ACTR3C: variants seen among roughly 807,000 people sequenced by gnomAD.
ACTR3C encodes the protein actin related protein 3C.
In ACTR3C, 18 loss-of-function variants were observed where a neutral mutation model predicts 26.3. The observed-to-expected ratio is 0.68, with a 90% CI of 0.47 to 1.01. The LOEUF (loss-of-function observed/expected upper bound fraction) is 1.01, where lower values mean the gene tolerates loss of function less well. Among genes scored for constraint, ACTR3C ranks in the 50% least tolerant of loss-of-function variants. The probability of loss-of-function intolerance (pLI) is 0.00; values close to 1 mark genes in which losing one functional copy is unlikely to be tolerated. For missense variants in ACTR3C, 184 were observed against 250.7 expected (o/e 0.73, Z 1.80); for synonymous variants, 55 against 94.5 (o/e 0.58, Z 2.42).
At chr7:150,116,868 T>G in the ACTR3C span, among the ~76,000 whole-genome samples, 1 of 150,858 alleles carries the variant, frequency 6.6e-6, no homozygotes, top group Non-Finnish European at 1.5e-5. Flanking sequence ...TTTCTGCATT[T>G]CCAACTGAGG....
the ACTR3C span, among the ~76,000 whole-genome samples, chr7:150,099,898 C>T: frequency 8.2e-3 from 1,246 of 151,772 alleles, 16 homozygotes; most frequent in South Asian, 0.028. Flanking sequence ...TCGCAGTGGC[C>T]TCTAGTCATA....
the ACTR3C span, among the ~76,000 whole-genome samples, chr7:150,075,916 C>T: frequency 1.3e-5 from 2 of 152,160 alleles, no homozygotes; most frequent in Admixed American, 6.5e-5. Context: ...CCCCTCTGCT[C>T]GGACTCCATT....
At chr7:150,319,832 G>A (rs1797314561) in intron 1 of ACTR3C, among the ~76,000 whole-genome samples, 1 of 152,158 alleles carries the variant, frequency 6.6e-6, no homozygotes, top group African/African-American at 2.4e-5. Context: ...CAGGGATGCT[G>A]TATCTGGAAG....
At chr7:150,041,704 C>T in the ACTR3C span, among the ~76,000 whole-genome samples, 155 of 119,788 alleles carry the variant, frequency 1.3e-3, 1 homozygote, top group African/African-American at 3.7e-3. Flanking sequence ...AGTCCCCACC[C>T]TCGCGGGGGG....
chr7:150,016,662 G>A, the ACTR3C span, among the ~76,000 whole-genome samples: 2 of 152,202 alleles, frequency 1.3e-5, no homozygotes. Flanking sequence ...CATGAAAGGT[G>A]AACTTACAGA....
chr7:150,286,243 G>T, intron 5 of ACTR3C, 124 bp downstream of exon 5: 1 of 1,265,684 alleles, frequency 7.9e-7, no homozygotes, highest in Admixed American at 2.3e-5. Context: ...CATGGGGGAT[G>T]CAGAGAGACC....
the ACTR3C span, among the ~76,000 whole-genome samples, chr7:150,208,870 G>C: frequency 0.059 from 8,945 of 151,858 alleles, 858 homozygotes; most frequent in African/African-American, 0.21. Context: ...CATTAGTGGA[G>C]GTGGACATTA....
At chr7:150,035,661 C>A in the ACTR3C span, among the ~76,000 whole-genome samples, 14 of 138,554 alleles carry the variant, frequency 1.0e-4, 3 homozygotes, top group Admixed American at 9.0e-4. Context: ...ACTCGCAGTC[C>A]TCCAGGTGGG....
chr7:150,036,674 GGTAGATTGCAAATAACCTGCTTTCTTTCT>G, the ACTR3C span, among the ~76,000 whole-genome samples: 1 of 139,622 alleles, frequency 7.2e-6, no homozygotes, highest in African/African-American at 2.5e-5. Context: ...CTTAAGCTCC[GGTAGATTGCAAATAACCTGCTTTCTTTCT>G]GTTCCCGAGC....
the ACTR3C span, among the ~76,000 whole-genome samples, chr7:150,041,835 T>G: frequency 3.9e-3 from 269 of 69,224 alleles, no homozygotes; most frequent in African/African-American, 0.016. Flanking sequence ...GAGCCAGGGG[T>G]GGAAGAGGGG....
chr7:150,278,715 C>G (rs13307389), intron 6 of ACTR3C, among the ~76,000 whole-genome samples: 1 of 152,220 alleles, frequency 6.6e-6, no homozygotes. Flanking sequence ...TCCCTTCCCA[C>G]TAAGACAAAA....
At chr7:149,908,473 T>A in the ACTR3C span, among the ~76,000 whole-genome samples, 1 of 152,164 alleles carries the variant, frequency 6.6e-6, no homozygotes, top group Non-Finnish European at 1.5e-5. Context: ...TCAAAGAATC[T>A]GGAGTCCGCT....
the ACTR3C span, among the ~76,000 whole-genome samples, chr7:150,150,430 G>A: frequency 3.3e-5 from 5 of 152,118 alleles, no homozygotes; most frequent in South Asian, 4.2e-4. Flanking sequence ...CCTTGCATCC[G>A]TTCCACAAAT....
At chr7:149,955,408 C>T in the ACTR3C span, among the ~76,000 whole-genome samples, 1 of 152,204 alleles carries the variant, frequency 6.6e-6, no homozygotes, top group East Asian at 1.9e-4. Flanking sequence ...GCAGCTACTA[C>T]ATGCCAAGCA....
At chr7:150,023,736 G>A in the ACTR3C span, among the ~76,000 whole-genome samples, 1 of 149,114 alleles carries the variant, frequency 6.7e-6, no homozygotes, top group African/African-American at 2.5e-5. Context: ...GTTCATTCAT[G>A]TATTAATCGC....
the ACTR3C span, among the ~76,000 whole-genome samples, chr7:150,031,000 T>G: frequency 1.3e-5 from 2 of 152,130 alleles, no homozygotes; most frequent in Admixed American, 6.5e-5. Flanking sequence ...CTCACACCTG[T>G]AATCCCAACA....
the ACTR3C span, among the ~76,000 whole-genome samples, chr7:150,048,984 T>A: frequency 6.6e-6 from 1 of 152,048 alleles, no homozygotes; most frequent in African/African-American, 2.4e-5. Flanking sequence ...CTCATTATCA[T>A]GAACGCAGGC....
intron 6 of ACTR3C, among the ~76,000 whole-genome samples, chr7:150,263,448 G>T (rs1042533356): frequency 7.0e-6 from 1 of 142,188 alleles, no homozygotes; most frequent in Non-Finnish European, 1.5e-5. Context: ...CAATGTTGCC[G>T]CTTAGAGAAC....
the ACTR3C span, among the ~76,000 whole-genome samples, chr7:150,039,744 C>A: frequency 7.0e-6 from 1 of 143,512 alleles, no homozygotes; most frequent in Non-Finnish European, 1.5e-5. Context: ...GCGGGGGGTG[C>A]CTCCCCCTCC....
Sources: allele counts gnomAD v4.1 joint callset (sites outside exome capture counted in the v4.1 genomes callset), GRCh38; gene constraint gnomAD v4.1.1; transcripts MANE v1.5; gene names NCBI Gene and HGNC (gene_info 2026-07-23, HGNC 2026-07-21).